Variants in KIAA1217 observed in about 807,000 individuals in gnomAD.
KIAA1217 encodes KIAA1217.
In KIAA1217, 88 loss-of-function variants were observed where a neutral mutation model predicts 163.9. That is an observed-to-expected ratio of 0.54 (90% CI 0.45 to 0.64). KIAA1217 has a LOEUF of 0.64. Among genes scored for constraint, KIAA1217 ranks in the 30% least tolerant of loss-of-function variants. KIAA1217 has a pLI of 0.00. For synonymous variants in KIAA1217, 903 were observed against 923.1 expected, an observed-to-expected ratio of 0.98 and a Z score of 0.39; for missense variants, 2,372 against 2,475.0, an observed-to-expected ratio of 0.96 and a Z score of 0.88.
At chr10:24,194,760 A>T (rs1589853620) in intron 2 of KIAA1217, among the ~76,000 whole-genome samples, 1 of 131,336 alleles carries the variant, frequency 7.6e-6, no homozygotes. Context: ...CCAGCCAATT[A>T]AATTTTTTTT....
At chr10:24,421,342 T>C (rs1040891123) in intron 3 of KIAA1217, among the ~76,000 whole-genome samples, 2 of 152,190 alleles carry the variant, frequency 1.3e-5, no homozygotes, top group African/African-American at 4.8e-5. Flanking sequence ...TATTCTCTAT[T>C]TTTTCTAGTA....
chr10:24,208,044 C>T (rs1208425230), upstream of KIAA1217, among the ~76,000 whole-genome samples: 1 of 151,980 alleles, frequency 6.6e-6, no homozygotes, highest in Non-Finnish European at 1.5e-5. Context: ...AAATCGCGCT[C>T]TTCCTCCTAG....
chr10:24,048,243 C>T (rs1456852281), intron 2 of KIAA1217, among the ~76,000 whole-genome samples: 1 of 152,206 alleles, frequency 6.6e-6, no homozygotes, highest in African/African-American at 2.4e-5. Context: ...CATTTCTCCT[C>T]ATACTTTTGC....
At chr10:23,716,385 G>T (rs1192690324) in intron 1 of KIAA1217, among the ~76,000 whole-genome samples, 4 of 152,124 alleles carry the variant, frequency 2.6e-5, no homozygotes, top group Non-Finnish European at 5.9e-5. Context: ...AGCATAGTTT[G>T]TGTGTGTATC....
intron 3 of KIAA1217, among the ~76,000 whole-genome samples, chr10:24,394,403 T>G (rs1326664807): frequency 6.6e-6 from 1 of 152,138 alleles, no homozygotes; most frequent in East Asian, 1.9e-4. Flanking sequence ...AAATTACTTG[T>G]TTTCCCCTCT....
chr10:24,430,280 C>T (rs1327213522), intron 3 of KIAA1217, among the ~76,000 whole-genome samples: 1 of 150,244 alleles, frequency 6.7e-6, no homozygotes, highest in African/African-American at 2.4e-5. Context: ...GCCCCTTCCC[C>T]TATGCTTGGT....
chr10:24,392,854 T>A (rs2130857311), intron 3 of KIAA1217, among the ~76,000 whole-genome samples: 1 of 152,334 alleles, frequency 6.6e-6, no homozygotes, highest in Non-Finnish European at 1.5e-5. Flanking sequence ...GCCTCTTTTG[T>A]TTCCCTTTGC....
intron 1 of KIAA1217, among the ~76,000 whole-genome samples, chr10:23,793,438 T>G (rs578035876): frequency 2.0e-5 from 3 of 152,190 alleles, no homozygotes; most frequent in Non-Finnish European, 2.9e-5. Flanking sequence ...AGAAGGCACA[T>G]TCCTGTTCAT....
chr10:24,107,145 C>T (rs2062663748), intron 2 of KIAA1217, among the ~76,000 whole-genome samples: 1 of 152,190 alleles, frequency 6.6e-6, no homozygotes, highest in African/African-American at 2.4e-5. Flanking sequence ...ATTTGGTTTT[C>T]TGTTGCTGCG....
intron 2 of KIAA1217, among the ~76,000 whole-genome samples, chr10:24,157,184 G>C (rs370459006): frequency 1.1e-3 from 171 of 152,244 alleles, no homozygotes; most frequent in African/African-American, 4.0e-3. Context: ...GGTATGATTA[G>C]TCTTTTTAAT....
intron 2 of KIAA1217, among the ~76,000 whole-genome samples, chr10:24,364,557 T>C (rs1196786878): frequency 6.6e-6 from 1 of 152,126 alleles, no homozygotes. Flanking sequence ...GCTTATTCCA[T>C]TGCATCTTCT....
chr10:23,903,170 G>C (rs531401768), intron 1 of KIAA1217, among the ~76,000 whole-genome samples: 110 of 151,932 alleles, frequency 7.2e-4, no homozygotes, highest in African/African-American at 2.6e-3. Context: ...ATCCCTTTAG[G>C]TTTATGTTAA....
intron 1 of KIAA1217, among the ~76,000 whole-genome samples, chr10:23,944,372 C>CT (rs34449341): frequency 0.43 from 64,678 of 151,818 alleles, 16,934 homozygotes; most frequent in African/African-American, 0.74. Context: ...CTGCAGTGAG[C>CT]GAGATGGCAC....
At position 23,780,936 on chromosome 10, in the gene KIAA1217, C is replaced by A. The variant is rs998557393; in HGVS notation, c.-321+85702C>A. Among the ~76,000 whole-genome samples the A allele has an allele frequency of 2.6e-5, 4 of 152,222 alleles. 1 individual carries two copies. In the South Asian group the frequency reaches 6.2e-4, roughly 24 times the overall value. Reference sequence around the variant, plus strand: ...CCTCAGGTGAGCCACCAACCTCAGCCTCCCAAAGGGCTGGGATTACAGGCG... The same window carrying A: ...CCTCAGGTGAGCCACCAACCTCAGCATCCCAAAGGGCTGGGATTACAGGCG... On this transcript the variant is annotated intron_variant, in intron 1 of 18. Transcript: ENST00000376462.
At chr10:24,252,886 A>G (rs904965873) in intron 2 of KIAA1217, among the ~76,000 whole-genome samples, 1 of 151,862 alleles carries the variant, frequency 6.6e-6, no homozygotes, top group African/African-American at 2.4e-5. Flanking sequence ...TCATGCTTGT[A>G]ATCCCAGCAC....
intron 2 of KIAA1217, among the ~76,000 whole-genome samples, chr10:24,053,771 C>T (rs181876640): frequency 1.7e-3 from 256 of 152,184 alleles, no homozygotes; most frequent in African/African-American, 4.4e-3. Context: ...ACCAGGTTAT[C>T]TGGATATCTA....
intron 1 of KIAA1217, among the ~76,000 whole-genome samples, chr10:23,746,510 G>A (rs1044389306): frequency 2.4e-4 from 36 of 151,932 alleles, no homozygotes; most frequent in Non-Finnish European, 3.1e-4. Context: ...TGCTAGCTCC[G>A]CCTCCCGGGT....
intron 1 of KIAA1217, among the ~76,000 whole-genome samples, chr10:23,741,184 G>A (rs1299448677): frequency 6.6e-6 from 1 of 152,128 alleles, no homozygotes; most frequent in Non-Finnish European, 1.5e-5. Flanking sequence ...ATTGGCAAAA[G>A]TTATTCCCTT....
rs2061825514 is a variant in KIAA1217 at position 24,089,051 on chromosome 10, A to G, written c.-171+81677A>G. Among the ~76,000 whole-genome samples, 2 of 125,426 alleles carry G rather than the reference A, an allele frequency of 1.6e-5. 1 individual carries two copies. The highest frequency in any genetic ancestry group is 5.3e-4 in the South Asian group (2 of 3,786). 82.3% of individuals were successfully genotyped at this position (125,426 alleles called of 152,430 possible). On this transcript the variant is annotated intron_variant, in intron 2 of 18. Transcript: ENST00000376462. ...TGCATTTCTCTGATGGCCAGTGGTG[A>G]TGAGCATTTTTTCATGTGTCTGTTG...
Sources: gnomAD v4.1 joint callset for allele counts (sites outside exome capture counted in the v4.1 genomes callset) on GRCh38, gnomAD v4.1.1 for gene constraint, MANE v1.5 for transcripts, NCBI Gene and HGNC (gene_info 2026-07-23, HGNC 2026-07-21) for gene names.